Variants in ARMC7 observed in about 807,000 individuals in gnomAD.
The protein encoded by ARMC7 is armadillo repeat-containing protein 7.
In ARMC7, 9 loss-of-function variants were observed where a neutral mutation model predicts 14.8. That is an observed-to-expected ratio of 0.61 (90% CI 0.37 to 1.06). The LOEUF is 1.06. Among genes scored for constraint, ARMC7 ranks in the 50% least tolerant of loss-of-function variants. The probability of loss-of-function intolerance (pLI) is 0.01; values close to 1 mark genes in which losing one functional copy is unlikely to be tolerated. For missense variants in ARMC7, 262 were observed against 267.1 expected (o/e 0.98, Z 0.13); for synonymous variants, 125 against 123.4 (o/e 1.01, Z -0.09).
chr17:75,127,886 T>G (rs1188339501), intron 2 of ARMC7, among the ~76,000 whole-genome samples: 1 of 152,228 alleles, frequency 6.6e-6, no homozygotes, highest in Non-Finnish European at 1.5e-5. Context: ...TGAGCCACTG[T>G]GCCCAGCCCA....
At chr17:75,113,270 C>T (rs1260368224) in intron 2 of ARMC7, among the ~76,000 whole-genome samples, 5 of 151,672 alleles carry the variant, frequency 3.3e-5, no homozygotes, top group East Asian at 1.9e-4. Flanking sequence ...GTGATCCGCC[C>T]GCCTCAGCCT....
At chr17:75,117,389 T>G (rs968291578) in intron 2 of ARMC7, among the ~76,000 whole-genome samples, 4 of 152,176 alleles carry the variant, frequency 2.6e-5, no homozygotes, top group African/African-American at 9.7e-5. Context: ...AAGTGAGGCC[T>G]TTATTGTGGG....
intron 2 of ARMC7, among the ~76,000 whole-genome samples, chr17:75,121,029 T>C (rs2074009995): frequency 6.6e-6 from 1 of 152,182 alleles, no homozygotes; most frequent in Non-Finnish European, 1.5e-5. Context: ...TCCTGTGGAT[T>C]TGCTTTGCCT....
chr17:75,111,902 C>G (rs886149162), intron 2 of ARMC7, among the ~76,000 whole-genome samples: 2 of 151,446 alleles, frequency 1.3e-5, no homozygotes, highest in Non-Finnish European at 2.9e-5. Context: ...AGCTACTGCT[C>G]TAAATGCTGG....
rs765143727 is a variant in ARMC7 at position 75,110,484 on chromosome 17, C to A, written c.113C>A (p.Ala38Asp). The A allele has an allele frequency of 6.2e-7, 1 of 1,614,246 alleles. No individual in the cohort carries two copies. The highest frequency in any genetic ancestry group is 1.7e-5 in the Admixed American group (1 of 60,026). Residue 38 changes from alanine to aspartate, a missense_variant, in exon 2 of 3, where the codon GCC (alanine) becomes GAC (aspartate). Transcript: ENST00000245543. ...QSQDAKEQVLANLANFAYDPS... is the reference protein window; with the variant it reads ...QSQDAKEQVLDNLANFAYDPS... ...GCAGACGCCAAGGAGCAAGTCCTCG[C>A]CAACCTCGCCAACTTCGCTTATGAC...
chr17:75,122,337 A>T (rs921479219), intron 2 of ARMC7, among the ~76,000 whole-genome samples: 4 of 151,844 alleles, frequency 2.6e-5, no homozygotes, highest in Non-Finnish European at 4.4e-5. Flanking sequence ...AAACAAAAAC[A>T]AAAAAGAATA....
At chr17:75,114,029 C>T in intron 2 of ARMC7, 1 of 395,402 alleles carries the variant, frequency 2.5e-6, no homozygotes, top group Non-Finnish European at 4.5e-6. Flanking sequence ...TAAAGCCAAG[C>T]CAGGGCAGGA....
chr17:75,128,557 G>A (rs1257752276), intron 2 of ARMC7, 120 bp from the exon 3 acceptor site: 5 of 1,387,322 alleles, frequency 3.6e-6, no homozygotes, highest in Non-Finnish European at 3.8e-6. Flanking sequence ...ATGGGCTTTG[G>A]ATGCCTTGTG....
At chr17:75,124,738 G>A (rs963735511) in intron 2 of ARMC7, among the ~76,000 whole-genome samples, 7 of 151,706 alleles carry the variant, frequency 4.6e-5, no homozygotes, top group African/African-American at 1.7e-4. Flanking sequence ...GGGCCGAGGG[G>A]CAGAAGGCTC....
chr17:75,126,241 A>G (rs2074050512), intron 2 of ARMC7, among the ~76,000 whole-genome samples: 1 of 152,158 alleles, frequency 6.6e-6, no homozygotes, highest in Non-Finnish European at 1.5e-5. Flanking sequence ...GCCAGTGCTG[A>G]GCAGAGTGAC....
Position 75,128,728 on chromosome 17 carries a change from A to G in ARMC7, c.287A>G (p.His96Arg). 6.2e-7 allele frequency: 1 copy of G among 1,613,526 alleles called. No individual in the cohort carries two copies. The highest frequency in any genetic ancestry group is 8.5e-7 in the Non-Finnish European group (1 of 1,179,954). ...AGGGCCAACAAGGAGCACATCCTGC[A>G]CGCAGGAGGTGTCCCACTCATCATC... is the stretch of plus-strand genomic sequence containing the variant. ...PDRANKEHIL[H>R]AGGVPLIINC... Residue 96 changes from histidine (H) to arginine (R), a missense_variant, in exon 3 of 3, where the codon CAC becomes CGC. Transcript: ENST00000245543.
At chr17:75,122,254 A>C (rs1002785036) in intron 2 of ARMC7, among the ~76,000 whole-genome samples, 1 of 151,908 alleles carries the variant, frequency 6.6e-6, no homozygotes, top group African/African-American at 2.4e-5. Context: ...AGAACCCCGG[A>C]GGTGGAGGAT....
chr17:75,122,890 G>T (rs879380379), intron 2 of ARMC7, among the ~76,000 whole-genome samples: 7 of 150,202 alleles, frequency 4.7e-5, no homozygotes, highest in African/African-American at 9.8e-5. Context: ...GTGGTGGGGG[G>T]GCAGGTTAGG....
chr17:75,119,049 C>T (rs548869848), intron 2 of ARMC7, among the ~76,000 whole-genome samples: 135 of 152,306 alleles, frequency 8.9e-4, no homozygotes, highest in Middle Eastern at 6.8e-3. Context: ...AGTGATCCTC[C>T]GACCCCAGCC....
At chr17:75,124,897 G>C (rs1263360996) in intron 2 of ARMC7, among the ~76,000 whole-genome samples, 2 of 152,226 alleles carry the variant, frequency 1.3e-5, no homozygotes. Context: ...CTAGGAACTT[G>C]AGCCCTGCCT....
At chr17:75,111,526 T>C (rs1318098364) in intron 2 of ARMC7, among the ~76,000 whole-genome samples, 1 of 149,848 alleles carries the variant, frequency 6.7e-6, no homozygotes, top group Non-Finnish European at 1.5e-5. Flanking sequence ...GGGAGATCAC[T>C]TGAGTTCCGG....
In ARMC7 at chr17:75,110,106, T is replaced by A; in HGVS notation, c.-183T>A. The A allele has an allele frequency of 1.7e-6, 1 of 597,642 alleles. No individual in the cohort carries two copies. The highest frequency in any genetic ancestry group is 2.9e-6 in the Non-Finnish European group (1 of 345,036). 37.0% of individuals were successfully genotyped at this position (597,642 alleles called of 1,614,324 possible). A position where few individuals can be genotyped will look rare whatever the true frequency, so the allele number is the denominator to read the frequency against. On this transcript the variant is annotated 5_prime_UTR_variant, in exon 1 of 3. Coordinates refer to ENST00000245543, the MANE Select transcript of ARMC7 (RefSeq NM_024585.4). ...TACAGGATTCTGAGACCCCGTCCCATCTCCCATATCCCATTTCCAGCTGCA... is the reference window on the plus strand; with the variant it reads ...TACAGGATTCTGAGACCCCGTCCCAACTCCCATATCCCATTTCCAGCTGCA...
rs2073902336 is a variant in ARMC7 at position 75,110,336 on chromosome 17, C to T, written c.48C>T (p.Tyr16=). ...ACCCCCACGTCGGGCGGCTGGGATA[C>T]CTGCAGGCGCTGGTCACGGAATTCC... is the stretch of plus-strand genomic sequence containing the variant. The part of the protein sequence containing the change: ...KVDPHVGRLG[Y]LQALVTEFQE... Residue 16 remains tyrosine (Y), a synonymous_variant, in exon 1 of 3, where the codon TAC becomes TAT. Transcript: ENST00000245543. 6.2e-7 allele frequency: 1 copy of T among 1,613,950 alleles called. No homozygotes were observed. Among genetic ancestry groups the T allele is most frequent in the Non-Finnish European group, 8.5e-7 (1 of 1,180,030 alleles).
intron 2 of ARMC7, among the ~76,000 whole-genome samples, chr17:75,121,515 G>T (rs2074013504): frequency 6.6e-6 from 1 of 152,182 alleles, no homozygotes; most frequent in African/African-American, 2.4e-5. Context: ...CTGGGTTCAA[G>T]CAATTCTCCC....
Sources: gnomAD v4.1 joint callset for allele counts (sites outside exome capture counted in the v4.1 genomes callset) on GRCh38, gnomAD v4.1.1 for gene constraint, MANE v1.5 for transcripts, NCBI Gene and HGNC (gene_info 2026-07-23, HGNC 2026-07-21) for gene names.